RFTN1: variants seen among roughly 807,000 people sequenced by gnomAD.
The protein encoded by RFTN1 is raftlin.
In RFTN1, 26 loss-of-function variants were observed where a neutral mutation model predicts 46.5. That is an observed-to-expected ratio of 0.56 (90% confidence interval 0.41 to 0.78). RFTN1 has a LOEUF of 0.78. RFTN1 is among the 30% of genes least tolerant of loss of function. The pLI is 0.00. For synonymous variants in RFTN1, 261 were observed against 284.2 expected, an observed-to-expected ratio of 0.92 and a Z score of 0.82; for missense variants, 693 against 718.7, an observed-to-expected ratio of 0.96 and a Z score of 0.41.
chr3:16,317,530 GCTC>G lies in RFTN1; in HGVS notation c.1333-301_1333-299del, dbSNP rs1287154276. Among the ~76,000 whole-genome samples the G allele has an allele frequency of 6.6e-6, 1 of 152,186 alleles. No individual in the cohort carries two copies. The highest frequency in any genetic ancestry group is 2.4e-5 in the African/African-American group (1 of 41,434). On this transcript the variant is annotated intron_variant, in intron 9 of 9. Coordinates refer to ENST00000334133, the MANE Select transcript of RFTN1 (RefSeq NM_015150.2). This position sits in a 1 kb window ranked among gnomAD's most constrained non-coding sequence, Gnocchi z 4.3. Reference sequence around the variant, plus strand: ...ATACCAAAGGCCCACATAGGAAAGGGCTCCTAAAGTCCTATCATTTGGAGGGCC... The same window carrying G: ...ATACCAAAGGCCCACATAGGAAAGGGCTAAAGTCCTATCATTTGGAGGGCC...
chr3:16,461,294 A>G (rs2076004879), intron 2 of RFTN1, among the ~76,000 whole-genome samples: 1 of 152,220 alleles, frequency 6.6e-6, no homozygotes, highest in African/African-American at 2.4e-5. Context: ...ATCTCCTCAA[A>G]TAGACTCTAA....
chr3:16,491,605 T>C (rs2076539197), intron 2 of RFTN1, among the ~76,000 whole-genome samples: 1 of 151,738 alleles, frequency 6.6e-6, no homozygotes, highest in African/African-American at 2.4e-5. Context: ...AACAAACAAA[T>C]AAGGAGGTCG....
rs1559858999 is a variant in RFTN1, at chr3:16,361,280, C to T, written c.1031-3233G>A. Among the ~76,000 whole-genome samples, 1 of 152,168 alleles carries T rather than the reference C, an allele frequency of 6.6e-6. No homozygotes were observed. On this transcript the variant is annotated intron_variant, in intron 6 of 9. Coordinates refer to ENST00000334133, the MANE Select transcript of RFTN1 (RefSeq NM_015150.2). This position sits in a 1 kb window ranked among gnomAD's most constrained non-coding sequence, Gnocchi z 4.3. The stretch of plus-strand genomic sequence containing the variant: ...CAAGTGCACTGAATAACCTTCCAGC[C>T]ATTCATTATGACACCTACTGGGAAT...
chr3:16,450,478 T>G lies in RFTN1; in HGVS notation c.146-16441A>C, dbSNP rs1212172550. On this transcript the variant is annotated intron_variant, in intron 2 of 9. Coordinates refer to ENST00000334133, the MANE Select transcript of RFTN1 (RefSeq NM_015150.2). This position sits in a 1 kb window ranked among gnomAD's most constrained non-coding sequence, Gnocchi z 4.6. The stretch of plus-strand genomic sequence containing the variant: ...AGGGCTCTCTCCCACTGCACCATGA[T>G]GCTGCATGACCTGAAGTCCACCAGC... Among the ~76,000 whole-genome samples the G allele has an allele frequency of 6.6e-6, 1 of 152,190 alleles. No individual in the cohort carries two copies. The highest frequency in any genetic ancestry group is 1.5e-5 in the Non-Finnish European group (1 of 68,026).
rs915185817 is a variant in RFTN1 at position 16,336,125 on chromosome 3, C to G, written c.1147-9249G>C. Among the ~76,000 whole-genome samples the G allele has an allele frequency of 6.6e-6, 1 of 152,234 alleles. No individual in the cohort carries two copies. The highest frequency in any genetic ancestry group is 1.5e-5 in the Non-Finnish European group (1 of 68,032). On this transcript the variant is annotated intron_variant, in intron 7 of 9. Transcript: ENST00000334133. This position sits in a 1 kb window ranked among gnomAD's most constrained non-coding sequence, Gnocchi z 6.0. The stretch of plus-strand genomic sequence containing the variant: ...GACAGAAAGAAGGGCCACTTCACCT[C>G]TACCTCTCCCTAGCAAGTGGAAGGC...
intron 4 of RFTN1, among the ~76,000 whole-genome samples, chr3:16,392,074 C>A (rs1408371694): frequency 2.0e-5 from 3 of 152,022 alleles, no homozygotes. Flanking sequence ...AGTATCTCAT[C>A]TCCAAGTGCT....
rs1161073295 is a variant in RFTN1 at position 16,385,956 on chromosome 3, G to A, written c.442-7854C>T. 6.6e-6 allele frequency among the ~76,000 whole-genome samples: 1 copy of A among 152,192 alleles called. No individual in the cohort carries two copies. The highest frequency in any genetic ancestry group is 2.4e-5 in the African/African-American group (1 of 41,456). ...AGGAGAATCTGCTGCCCCCTCCAAG[G>A]CTGCAAGACCCCCAGGCTTCCATTA... is the stretch of plus-strand genomic sequence containing the variant. On this transcript the variant is annotated intron_variant, in intron 4 of 9. Transcript: ENST00000334133. This position sits in a 1 kb window ranked among gnomAD's most constrained non-coding sequence, Gnocchi z 5.0.
chr3:16,354,355 T>G (rs1371382772), intron 7 of RFTN1, among the ~76,000 whole-genome samples: 1 of 152,242 alleles, frequency 6.6e-6, no homozygotes, highest in Non-Finnish European at 1.5e-5. Flanking sequence ...AGTTACAGTC[T>G]TCCCACAAGA....
chr3:16,451,420 G>C lies in RFTN1; in HGVS notation c.146-17383C>G, dbSNP rs1189596871. Among the ~76,000 whole-genome samples the C allele has an allele frequency of 6.6e-6, 1 of 152,158 alleles. No homozygotes were observed. The highest frequency in any genetic ancestry group is 1.5e-5 in the Non-Finnish European group (1 of 68,032). On this transcript the variant is annotated intron_variant, in intron 2 of 9. Transcript: ENST00000334133. This position sits in a 1 kb window ranked among gnomAD's most constrained non-coding sequence, Gnocchi z 4.2. Reference sequence around the variant, plus strand: ...CCATGACTTTCTGCTTCATTAGCTGGCTTGTAGGCTAACCAACAGCTGGCT... The same window carrying C: ...CCATGACTTTCTGCTTCATTAGCTGCCTTGTAGGCTAACCAACAGCTGGCT...
rs989516019 is a variant in RFTN1 at position 16,376,684 on chromosome 3, C to T, written c.826+1034G>A. 7.9e-5 allele frequency among the ~76,000 whole-genome samples: 12 copies of T among 152,230 alleles called. No individual in the cohort carries two copies. Among genetic ancestry groups the T allele is most frequent in the Non-Finnish European group, 1.5e-4 (10 of 68,042 alleles). ...AAGAAGGCTCAATGCCTTGATTAAA[C>T]AATAGTCTTACTACATCACAAAACT... On this transcript the variant is annotated intron_variant, in intron 5 of 9. Coordinates refer to ENST00000334133, the MANE Select transcript of RFTN1 (RefSeq NM_015150.2). The surrounding 1 kb of genome is among the most constrained non-coding windows in gnomAD (Gnocchi z 4.7).
At chr3:16,406,828 T>G (rs1205323796) in intron 4 of RFTN1, among the ~76,000 whole-genome samples, 1 of 152,202 alleles carries the variant, frequency 6.6e-6, no homozygotes, top group Non-Finnish European at 1.5e-5. Flanking sequence ...CTACACAGTG[T>G]TAAGGACTTA....
At chr3:16,471,626 A>G (rs1277380972) in intron 2 of RFTN1, among the ~76,000 whole-genome samples, 1 of 151,924 alleles carries the variant, frequency 6.6e-6, no homozygotes, top group Non-Finnish European at 1.5e-5. Flanking sequence ...CTATTTTTCC[A>G]TTTTTAAAAC....
In RFTN1 at chr3:16,327,798, T is replaced by G. The variant is rs180761629; in HGVS notation, c.1147-922A>C. On this transcript the variant is annotated intron_variant, in intron 7 of 9. Transcript: ENST00000334133. The surrounding 1 kb of genome is among the most constrained non-coding windows in gnomAD (Gnocchi z 4.2). ...CAAAACGAAAAAAACTTCAGCCCCC[T>G]GCTAGCACAGGGAGAGAGCCCTGAT... Among the ~76,000 whole-genome samples, 2 of 150,188 alleles carry G rather than the reference T, an allele frequency of 1.3e-5. No homozygotes were observed. Among genetic ancestry groups the G allele is most frequent in the African/African-American group, 4.9e-5 (2 of 40,930 alleles).
Position 16,377,937 on chromosome 3 carries a change from C to T in RFTN1, c.607G>A (p.Glu203Lys). Residue 203 changes from glutamate (E) to lysine (K), a missense_variant, in exon 5 of 10, where the codon GAG becomes AAG. By Grantham distance (56) the Glu-to-Lys change is moderately conservative. Transcript: ENST00000334133. ...ARGDHASLEN[E>K]KPGTGDVCSA... ...CACACATCCCCAGTCCCCGGTTTCT[C>T]ATTCTCCAGTGACGCGTGATCCCCA... 1.9e-6 allele frequency: 3 copies of T among 1,614,208 alleles called. No homozygotes were observed. The highest frequency in any genetic ancestry group is 8.5e-7 in the Non-Finnish European group (1 of 1,180,042).
At position 16,402,106 on chromosome 3, in the gene RFTN1, C is replaced by A. The variant is rs1011003510; in HGVS notation, c.441+7269G>T. ...CATACAACCATCCCCATTCTCATCA[C>A]CTCTCTGCCCCCAGGGCTCCTCATG... On this transcript the variant is annotated intron_variant, in intron 4 of 9. Transcript: ENST00000334133. The surrounding 1 kb of genome is among the most constrained non-coding windows in gnomAD (Gnocchi z 4.5). Among the ~76,000 whole-genome samples, 3 of 152,198 alleles carry A rather than the reference C, an allele frequency of 2.0e-5. No individual in the cohort carries two copies.
chr3:16,368,252 C>T (rs2073322674), intron 6 of RFTN1, among the ~76,000 whole-genome samples: 2 of 152,214 alleles, frequency 1.3e-5, no homozygotes, highest in Admixed American at 6.5e-5. Context: ...CATCTGAAAC[C>T]AGACCGTGAC....
intron 3 of RFTN1, among the ~76,000 whole-genome samples, chr3:16,414,551 C>T (rs1393372945): frequency 6.6e-6 from 1 of 150,940 alleles, no homozygotes; most frequent in Non-Finnish European, 1.5e-5. Context: ...TTGCAGTGAG[C>T]CAAGATCACA....
chr3:16,493,844 T>G lies in RFTN1; in HGVS notation c.26A>C (p.Glu9Ala). The G allele has an allele frequency of 6.2e-7, 1 of 1,614,170 alleles. No individual in the cohort carries two copies. Among genetic ancestry groups the G allele is most frequent in the Non-Finnish European group, 8.5e-7 (1 of 1,180,040 alleles). The change falls in exon 2 of 10, where the codon GAG becomes GCG. Residue 9 changes from glutamate (E) to alanine (A), a missense_variant. By Grantham distance (107) the Glu-to-Ala change is moderately radical. Transcript: ENST00000334133. ...CCCAGGCCGTTTTTCATCACGTTTC[T>G]CTAACTTGTTCAATCCGCAACCCAT... is the stretch of plus-strand genomic sequence containing the variant. MGCGLNKL[E>A]KRDEKRPGNI... is the part of the protein sequence containing the mutation.
intron 2 of RFTN1, among the ~76,000 whole-genome samples, chr3:16,439,556 G>C (rs1467331478): frequency 6.6e-6 from 1 of 152,188 alleles, no homozygotes; most frequent in Non-Finnish European, 1.5e-5. Flanking sequence ...TGGAGGCTGA[G>C]GTACCAGTTT....
Sources: allele counts gnomAD v4.1 joint callset (sites outside exome capture counted in the v4.1 genomes callset), GRCh38; gene constraint gnomAD v4.1.1; non-coding constraint Gnocchi (gnomAD v3.1); transcripts MANE v1.5; gene names NCBI Gene and HGNC (gene_info 2026-07-23, HGNC 2026-07-21).